Variants in MACROD2 observed in about 807,000 individuals in gnomAD.
MACROD2 encodes the protein ADP-ribose glycohydrolase MACROD2.
MACROD2 carries 36 observed loss-of-function variants against 70.4 expected under a neutral mutation model. That is an observed-to-expected ratio of 0.51 (90% confidence interval 0.39 to 0.68). MACROD2 has a LOEUF of 0.68. MACROD2 is among the 30% of genes least tolerant of loss of function. MACROD2 has a pLI of 0.00. For missense variants in MACROD2, 496 were observed against 538.4 expected, an observed-to-expected ratio of 0.92 and a Z score of 0.78; for synonymous variants, 172 against 178.8, an observed-to-expected ratio of 0.96 and a Z score of 0.30.
chr20:15,244,442 G>A (rs2077087696), intron 6 of MACROD2, among the ~76,000 whole-genome samples: 1 of 152,170 alleles, frequency 6.6e-6, no homozygotes, highest in African/African-American at 2.4e-5. Context: ...CTGGACAGCA[G>A]GGATACCAGG....
At chr20:14,672,588 C>T (rs933920904) in intron 4 of MACROD2, among the ~76,000 whole-genome samples, 10 of 152,268 alleles carry the variant, frequency 6.6e-5, no homozygotes, top group Admixed American at 1.3e-4. Flanking sequence ...TAAGATTCTT[C>T]GAGCACTTAT....
chr20:15,627,495 G>A (rs1010541700), intron 8 of MACROD2, among the ~76,000 whole-genome samples: 2 of 152,096 alleles, frequency 1.3e-5, no homozygotes, highest in Non-Finnish European at 2.9e-5. Context: ...GTTTTTCAAA[G>A]GCAGTTTGGG....
rs535119202 is a variant in MACROD2, at chr20:15,470,404, T to A, written c.572-29370T>A. On this transcript the variant is annotated intron_variant, in intron 7 of 17. Coordinates refer to ENST00000684519, the MANE Select transcript of MACROD2 (RefSeq NM_001351661.2). ...TCTTCTCAGCCTCTTGGATGTTTGTTTCACCTTGTCACTGTAAAACTGAAG... is the reference window on the plus strand; with the variant it reads ...TCTTCTCAGCCTCTTGGATGTTTGTATCACCTTGTCACTGTAAAACTGAAG... Among the ~76,000 whole-genome samples, 39 of 152,302 alleles carry A rather than the reference T, an allele frequency of 2.6e-4. No homozygotes were observed. The South Asian group carries it at 8.1e-3, about 32-fold the overall frequency.
rs1200974699 is a variant in MACROD2 at position 15,295,666 on chromosome 20, C to T, written c.540+65605C>T. Among the ~76,000 whole-genome samples the T allele has an allele frequency of 1.1e-4, 17 of 151,250 alleles. No individual in the cohort carries two copies. The Admixed American group carries it at 1.1e-3, about 10-fold the overall frequency. On this transcript the variant is annotated intron_variant, in intron 6 of 17. Transcript: ENST00000684519. ...CAGACCTTAAGTGTGTCTTATACAT[C>T]ATCACTTATAAAGTACTTTAGCCAC... is the stretch of plus-strand genomic sequence containing the variant.
intron 5 of MACROD2, among the ~76,000 whole-genome samples, chr20:14,785,624 G>T (rs1600661756): frequency 6.6e-6 from 1 of 152,028 alleles, no homozygotes; most frequent in African/African-American, 2.4e-5. Flanking sequence ...GTGTCAGGAG[G>T]CTGTAGTAGC....
chr20:15,434,818 C>T (rs903438197), intron 7 of MACROD2, among the ~76,000 whole-genome samples: 9 of 152,194 alleles, frequency 5.9e-5, no homozygotes, highest in African/African-American at 2.2e-4. Flanking sequence ...TATGTATATA[C>T]CCCATGGAAT....
At chr20:14,991,845 CAT>C (rs2122871297) in intron 5 of MACROD2, among the ~76,000 whole-genome samples, 1 of 152,236 alleles carries the variant, frequency 6.6e-6, no homozygotes, top group Non-Finnish European at 1.5e-5. Flanking sequence ...TCTACAGGTA[CAT>C]AGTGTGAATT....
intron 5 of MACROD2, chr20:14,934,935 G>T (rs73092191): frequency 0.1 from 15,679 of 152,192 alleles, 1,168 homozygotes; most frequent in Non-Finnish European, 0.16. Flanking sequence ...AGTACCCAGA[G>T]TGCTCTCTTT....
At chr20:14,646,799 T>C (rs1985416364) in intron 4 of MACROD2, among the ~76,000 whole-genome samples, 1 of 152,158 alleles carries the variant, frequency 6.6e-6, no homozygotes, top group Non-Finnish European at 1.5e-5. Flanking sequence ...AGAAAGTAGT[T>C]ACCTTCCTGT....
At position 14,649,786 on chromosome 20, in the gene MACROD2, C is replaced by G. The variant is rs534571046; in HGVS notation, c.302-35057C>G. The stretch of plus-strand genomic sequence containing the variant: ...TGTGCTGGTTGTCAGATAAGAATAC[C>G]GAGGCTAATACCAGGGCCCTCCCTT... On this transcript the variant is annotated intron_variant, in intron 4 of 17. Coordinates refer to ENST00000684519, the MANE Select transcript of MACROD2 (RefSeq NM_001351661.2). Among the ~76,000 whole-genome samples the G allele has an allele frequency of 4.6e-5, 7 of 152,148 alleles. 1 individual carries two copies. The South Asian group carries it at 1.0e-3, about 23-fold the overall frequency.
At chr20:14,458,974 CA>C (rs2084335448) in intron 3 of MACROD2, among the ~76,000 whole-genome samples, 1 of 151,946 alleles carries the variant, frequency 6.6e-6, no homozygotes, top group South Asian at 2.1e-4. Context: ...TTAATATTGG[CA>C]ACACATGTAA....
At chr20:15,910,013 C>T (rs1441049606) in intron 10 of MACROD2, among the ~76,000 whole-genome samples, 1 of 152,140 alleles carries the variant, frequency 6.6e-6, no homozygotes, top group Admixed American at 6.5e-5. Context: ...GAAATAAGAA[C>T]TCTGGATTCC....
chr20:14,637,450 T>C (rs767361893), intron 4 of MACROD2, among the ~76,000 whole-genome samples: 5 of 152,210 alleles, frequency 3.3e-5, no homozygotes, highest in Non-Finnish European at 7.3e-5. Flanking sequence ...TATGTTGAGA[T>C]GAATGCTGGG....
chr20:15,482,189 G>A (rs559706117), intron 7 of MACROD2, among the ~76,000 whole-genome samples: 48 of 152,134 alleles, frequency 3.2e-4, no homozygotes, highest in African/African-American at 1.1e-3. Flanking sequence ...CCAAGATTTC[G>A]TTTATTTCCT....
At chr20:14,302,846 G>T (rs910127275) in intron 3 of MACROD2, among the ~76,000 whole-genome samples, 2 of 151,978 alleles carry the variant, frequency 1.3e-5, no homozygotes, top group Non-Finnish European at 1.5e-5. Flanking sequence ...TAGAGATGGG[G>T]TTTCACCATG....
At chr20:15,584,109 G>T (rs891487233) in intron 8 of MACROD2, among the ~76,000 whole-genome samples, 1 of 152,228 alleles carries the variant, frequency 6.6e-6, no homozygotes, top group African/African-American at 2.4e-5. Context: ...TTACCCCATA[G>T]AAGTATTCCT....
At chr20:15,032,025 C>T (rs1211257762) in intron 5 of MACROD2, among the ~76,000 whole-genome samples, 5 of 152,314 alleles carry the variant, frequency 3.3e-5, no homozygotes, top group Non-Finnish European at 7.4e-5. Flanking sequence ...GGGGTTGAGG[C>T]GTCAGGGGGC....
intron 8 of MACROD2, among the ~76,000 whole-genome samples, chr20:15,594,821 C>G (rs932192751): frequency 6.6e-6 from 1 of 152,134 alleles, no homozygotes; most frequent in African/African-American, 2.4e-5. Context: ...TTTACTTTTA[C>G]ATTAGTTCTT....
At chr20:15,767,047 A>C (rs555725539) in intron 8 of MACROD2, among the ~76,000 whole-genome samples, 1 of 152,242 alleles carries the variant, frequency 6.6e-6, no homozygotes, top group African/African-American at 2.4e-5. Context: ...CTCACTTCTC[A>C]GGGCAGTGCT....
Sources: gnomAD v4.1 joint callset for allele counts (sites outside exome capture counted in the v4.1 genomes callset) on GRCh38, gnomAD v4.1.1 for gene constraint, MANE v1.5 for transcripts, NCBI Gene and HGNC (gene_info 2026-07-23, HGNC 2026-07-21) for gene names.